The following BMP5 variants were observed in gnomAD, a reference collection of about 807,000 sequenced individuals.
BMP5 encodes the protein bone morphogenetic protein 5.
In BMP5, 23 loss-of-function variants were observed where a neutral mutation model predicts 46.6. The observed-to-expected ratio is 0.49, with a 90% confidence interval of 0.35 to 0.70. BMP5 has a LOEUF of 0.70. Among genes scored for constraint, BMP5 ranks in the 30% least tolerant of loss-of-function variants. The pLI, the probability that BMP5 is intolerant of heterozygous loss-of-function variation, is 0.00. For synonymous variants in BMP5, 204 were observed against 191.9 expected, an observed-to-expected ratio of 1.06 and a Z score of -0.52; for missense variants, 545 against 565.6, an observed-to-expected ratio of 0.96 and a Z score of 0.37.
intron 6 of BMP5, among the ~76,000 whole-genome samples, chr6:55,757,736 T>C (rs1774645610): frequency 6.6e-6 from 1 of 152,008 alleles, no homozygotes; most frequent in Non-Finnish European, 1.5e-5. Context: ...GAAGAATACT[T>C]ATAAATAATT....
intron 1 of BMP5, among the ~76,000 whole-genome samples, chr6:55,838,107 G>T (rs1288261705): frequency 6.6e-6 from 1 of 152,192 alleles, no homozygotes; most frequent in Non-Finnish European, 1.5e-5. Flanking sequence ...TGTAAACAGT[G>T]CTTTAGCAAA....
chr6:55,772,906 G>A (rs1408946564), intron 4 of BMP5: 1 of 985,020 alleles, frequency 1.0e-6, no homozygotes, highest in Non-Finnish European at 1.2e-6. Context: ...GTTTTATGGA[G>A]CGTCTCTGAG....
At position 55,755,286 on chromosome 6, in the gene BMP5, A is replaced by G; in HGVS notation, c.*247T>C. The stretch of plus-strand genomic sequence containing the variant: ...GACTCAGCATAACCCATTGAAAATT[A>G]TACTAGATGATCTATTGTATAATGT... On this transcript the variant is annotated 3_prime_UTR_variant, in exon 7 of 7. Coordinates refer to ENST00000370830, the MANE Select transcript of BMP5 (RefSeq NM_021073.4). 1 of 365,274 alleles carries G rather than the reference A, an allele frequency of 2.7e-6. No homozygotes were observed. Among genetic ancestry groups the G allele is most frequent in the Non-Finnish European group, 5.0e-6 (1 of 201,456 alleles). The allele number at this position is 365,274 out of a possible 1,614,324, so 22.6% of individuals were successfully genotyped here. A position where few individuals can be genotyped will look rare whatever the true frequency, so the allele number is the denominator to read the frequency against.
intron 1 of BMP5, among the ~76,000 whole-genome samples, chr6:55,844,544 T>C (rs2127546925): frequency 6.6e-6 from 1 of 152,142 alleles, no homozygotes; most frequent in Admixed American, 6.6e-5. Context: ...AGTGATTTTA[T>C]GAGTTCTACA....
chr6:55,810,615 A>G lies in BMP5; in HGVS notation c.683+9040T>C, dbSNP rs149384680. Among the ~76,000 whole-genome samples the G allele has an allele frequency of 1.6e-3, 251 of 152,344 alleles. 1 individual carries two copies. The highest frequency in any genetic ancestry group is 5.7e-3 in the African/African-American group (238 of 41,580). On this transcript the variant is annotated intron_variant, in intron 2 of 6. Coordinates refer to ENST00000370830, the MANE Select transcript of BMP5 (RefSeq NM_021073.4). ...GCAATGTACCCAGTACAAACTCCTAAGAGCTCTTTCATCTTATGAGTCTTA... is the reference window on the plus strand; with the variant it reads ...GCAATGTACCCAGTACAAACTCCTAGGAGCTCTTTCATCTTATGAGTCTTA...
chr6:55,831,228 A>C (rs1776656616), intron 1 of BMP5, among the ~76,000 whole-genome samples: 1 of 152,140 alleles, frequency 6.6e-6, no homozygotes, highest in Non-Finnish European at 1.5e-5. Flanking sequence ...ATAGCAAAGA[A>C]ACAGCATCCT....
intron 2 of BMP5, among the ~76,000 whole-genome samples, chr6:55,797,467 G>T (rs1395336233): frequency 6.6e-6 from 1 of 152,074 alleles, no homozygotes; most frequent in Non-Finnish European, 1.5e-5. Context: ...ATATTTATTT[G>T]TAGCAAAAAT....
At chr6:55,836,771 C>G (rs1196862331) in intron 1 of BMP5, among the ~76,000 whole-genome samples, 1 of 152,060 alleles carries the variant, frequency 6.6e-6, no homozygotes, top group Non-Finnish European at 1.5e-5. Context: ...GTTCACACAG[C>G]TGTACTTTCA....
At chr6:55,862,868 T>C (rs1777555989) in intron 1 of BMP5, among the ~76,000 whole-genome samples, 1 of 152,214 alleles carries the variant, frequency 6.6e-6, no homozygotes, top group Non-Finnish European at 1.5e-5. Flanking sequence ...CCATAGGTTC[T>C]GTCAACTGGT....
At chr6:55,811,337 C>A (rs1776129979) in intron 2 of BMP5, among the ~76,000 whole-genome samples, 1 of 152,088 alleles carries the variant, frequency 6.6e-6, no homozygotes, top group African/African-American at 2.4e-5. Context: ...CAATGGAGTA[C>A]AGAAATTTAT....
chr6:55,818,637 C>A (rs1054819937), intron 2 of BMP5, among the ~76,000 whole-genome samples: 2 of 152,010 alleles, frequency 1.3e-5, no homozygotes, highest in Non-Finnish European at 2.9e-5. Context: ...ATAGACATGA[C>A]CTCAGAAGCT....
At chr6:55,818,223 A>C (rs1308493429) in intron 2 of BMP5, among the ~76,000 whole-genome samples, 1 of 151,568 alleles carries the variant, frequency 6.6e-6, no homozygotes, top group Non-Finnish European at 1.5e-5. Context: ...ATTCTAAACC[A>C]GAGATAGAGC....
chr6:55,764,977 A>T (rs1328680325), intron 4 of BMP5, among the ~76,000 whole-genome samples: 1 of 152,210 alleles, frequency 6.6e-6, no homozygotes, highest in Non-Finnish European at 1.5e-5. Context: ...AATGTAAAGA[A>T]ATGATAAATA....
intron 6 of BMP5, among the ~76,000 whole-genome samples, chr6:55,756,947 A>G (rs572353433): frequency 2.8e-4 from 42 of 151,968 alleles, no homozygotes; most frequent in African/African-American, 8.4e-4. Context: ...TTTTTGTTTC[A>G]TGTCCTTCAC....
intron 1 of BMP5, among the ~76,000 whole-genome samples, chr6:55,820,974 G>C (rs1368047635): frequency 6.6e-6 from 1 of 152,134 alleles, no homozygotes; most frequent in Non-Finnish European, 1.5e-5. Flanking sequence ...GGCTGTGTAA[G>C]ATAGTGTATT....
chr6:55,776,451 G>GA (rs145624046), intron 3 of BMP5, among the ~76,000 whole-genome samples: 39,522 of 142,176 alleles, frequency 0.28, 5,477 homozygotes, highest in East Asian at 0.48. Flanking sequence ...CTTAGCAAAA[G>GA]AAAAAAAAAA....
intron 2 of BMP5, among the ~76,000 whole-genome samples, chr6:55,799,060 A>G (rs1775782482): frequency 6.6e-6 from 1 of 152,316 alleles, no homozygotes; most frequent in Admixed American, 6.5e-5. Context: ...ATCAATATCA[A>G]TCTAGTGCTA....
At chr6:55,843,854 A>G (rs773472064) in intron 1 of BMP5, among the ~76,000 whole-genome samples, 1 of 152,066 alleles carries the variant, frequency 6.6e-6, no homozygotes, top group Non-Finnish European at 1.5e-5. Context: ...GAACAAAAAA[A>G]GATGTTTTAT....
chr6:55,774,287 A>C (rs1775118903), intron 3 of BMP5, 44 bp from the exon 4 acceptor site: 2 of 1,560,486 alleles, frequency 1.3e-6, no homozygotes, highest in East Asian at 4.5e-5. Flanking sequence ...AAAAGAAAGA[A>C]CAATTACCTG....
Sources: allele counts gnomAD v4.1 joint callset (sites outside exome capture counted in the v4.1 genomes callset), GRCh38; gene constraint gnomAD v4.1.1; transcripts MANE v1.5; gene names NCBI Gene and HGNC (gene_info 2026-07-23, HGNC 2026-07-21).